Variants in DPYSL2 observed in about 807,000 individuals in gnomAD.
The protein encoded by DPYSL2 is dihydropyrimidinase-related protein 2.
A neutral mutation model predicts 69.9 loss-of-function variants in DPYSL2; 13 were observed. That is an observed-to-expected ratio of 0.19 (90% confidence interval 0.12 to 0.30). The LOEUF is 0.30. Among genes scored for constraint, DPYSL2 ranks in the 10% least tolerant of loss-of-function variants. The pLI is 1.00. For synonymous variants in DPYSL2, 326 were observed against 359.1 expected (o/e 0.91, Z 1.04); for missense variants, 587 against 918.9 (o/e 0.64, Z 4.67).
At position 26,564,214 on chromosome 8, in the gene DPYSL2, C is replaced by G. The variant is rs1312565441; in HGVS notation, c.355-17755C>G. 6.6e-6 allele frequency among the ~76,000 whole-genome samples: 1 copy of G among 152,190 alleles called. No individual in the cohort carries two copies. Among genetic ancestry groups the G allele is most frequent in the Non-Finnish European group, 1.5e-5 (1 of 68,036 alleles). ...TTTGCCCAAGCTTTTCTAATGGAGTCAGGCGAAGAGGCCAACTGTAGTGGG... is the reference window on the plus strand; with the variant it reads ...TTTGCCCAAGCTTTTCTAATGGAGTGAGGCGAAGAGGCCAACTGTAGTGGG... On this transcript the variant is annotated intron_variant, in intron 1 of 13. Transcript: ENST00000521913. The surrounding 1 kb of genome is among the most constrained non-coding windows in gnomAD (Gnocchi z 4.8).
At chr8:26,546,142 T>C (rs1800763823) in intron 1 of DPYSL2, among the ~76,000 whole-genome samples, 1 of 152,262 alleles carries the variant, frequency 6.6e-6, no homozygotes, top group African/African-American at 2.4e-5. Context: ...TTTCTTCATT[T>C]ATTTAGCTCT....
intron 1 of DPYSL2, among the ~76,000 whole-genome samples, chr8:26,559,313 A>G (rs1474458660): frequency 6.6e-6 from 1 of 152,222 alleles, no homozygotes; most frequent in Non-Finnish European, 1.5e-5. Context: ...TCCTTACAAT[A>G]AATTTATAGA....
chr8:26,647,898 G>A lies in DPYSL2; in HGVS notation c.1596+98G>A. The A allele has an allele frequency of 1.4e-6, 2 of 1,415,262 alleles. No individual in the cohort carries two copies. The highest frequency in any genetic ancestry group is 1.5e-5 in the African/African-American group (1 of 68,764). 87.7% of individuals were successfully genotyped at this position (1,415,262 alleles called of 1,614,324 possible). On this transcript the variant is annotated intron_variant, in intron 11 of 13. Coordinates refer to ENST00000521913, the MANE Select transcript of DPYSL2 (RefSeq NM_001197293.3). The surrounding 1 kb of genome is among the most constrained non-coding windows in gnomAD (Gnocchi z 5.1). ...CCAGGGTTTCTAAAAAGAACTTGCTGTGATGGGAATGCGCTCGACTGAGGA... is the reference window on the plus strand; with the variant it reads ...CCAGGGTTTCTAAAAAGAACTTGCTATGATGGGAATGCGCTCGACTGAGGA...
Position 26,618,570 on chromosome 8 carries a change from C to T in DPYSL2, c.629-5573C>T, listed in dbSNP as rs147193209. On this transcript the variant is annotated intron_variant, in intron 3 of 13. Transcript: ENST00000521913. ...CTGGCCTGAAGCAATCTGCCCACCT[C>T]AGCCTCCCAAAGTGCTGAGATTACA... 4.0e-3 allele frequency among the ~76,000 whole-genome samples: 587 copies of T among 148,124 alleles called. 5 individuals are homozygous for T. Among genetic ancestry groups the T allele is most frequent in the African/African-American group, 0.014 (566 of 40,156 alleles).
intron 7 of DPYSL2, among the ~76,000 whole-genome samples, chr8:26,628,613 C>T (rs1802671247): frequency 6.6e-6 from 1 of 152,188 alleles, no homozygotes; most frequent in Non-Finnish European, 1.5e-5. Context: ...GGCTGGATGT[C>T]AGGCTCTAGG....
At chr8:26,542,301 C>CA (rs1053813942) in intron 1 of DPYSL2, among the ~76,000 whole-genome samples, 7 of 151,778 alleles carry the variant, frequency 4.6e-5, no homozygotes, top group African/African-American at 4.8e-5. Context: ...AACAAAACAA[C>CA]AAAAAACCCA....
chr8:26,524,835 A>AAGAGAG (rs1554531504), intron 1 of DPYSL2, among the ~76,000 whole-genome samples: 15,518 of 73,786 alleles, frequency 0.21, 3,045 homozygotes, highest in Non-Finnish European at 0.29. Flanking sequence ...AAAAAAAAAA[A>AAGAGAG]AGAGAGAGAA....
chr8:26,537,642 A>G (rs936648053), intron 1 of DPYSL2, among the ~76,000 whole-genome samples: 2 of 151,366 alleles, frequency 1.3e-5, no homozygotes, highest in African/African-American at 4.9e-5. Flanking sequence ...ACAACTGTAT[A>G]TTTTTTCTCA....
At position 26,620,006 on chromosome 8, in the gene DPYSL2, C is replaced by T. The variant is rs1412090893; in HGVS notation, c.629-4137C>T. 6.6e-6 allele frequency: 1 copy of T among 152,200 alleles called. No homozygotes were observed. Among genetic ancestry groups the T allele is most frequent in the Admixed American group, 6.5e-5 (1 of 15,272 alleles). The allele number at this position is 152,200 out of a possible 1,614,324, so 9.4% of individuals were successfully genotyped here. A position where few individuals can be genotyped will look rare whatever the true frequency, so the allele number is the denominator to read the frequency against. ...AAGTTGTCCTTGTCTGTCACCCTCC[C>T]CACTTTGTCTAAGGGTGAGTGGAAC... On this transcript the variant is annotated intron_variant, in intron 3 of 13. Coordinates refer to ENST00000521913, the MANE Select transcript of DPYSL2 (RefSeq NM_001197293.3). This position sits in a 1 kb window ranked among gnomAD's most constrained non-coding sequence, Gnocchi z 4.5.
chr8:26,631,619 C>T (rs1225589940), intron 7 of DPYSL2, among the ~76,000 whole-genome samples: 3 of 152,170 alleles, frequency 2.0e-5, no homozygotes, highest in Admixed American at 6.5e-5. Flanking sequence ...CTTCAGAATC[C>T]CCAGCAACTG....
intron 7 of DPYSL2, 27 bp from the exon 8 acceptor site, chr8:26,634,753 T>G (rs754133643): frequency 6.2e-7 from 1 of 1,613,860 alleles, no homozygotes; most frequent in South Asian, 1.1e-5. Flanking sequence ...CTGAGCCACA[T>G]TCTCATGCTC....
chr8:26,600,226 G>A (rs1335037085), intron 3 of DPYSL2, among the ~76,000 whole-genome samples: 4 of 152,208 alleles, frequency 2.6e-5, no homozygotes, highest in Non-Finnish European at 5.9e-5. Flanking sequence ...ACATTTGTGG[G>A]CAAGCATTTG....
intron 1 of DPYSL2, among the ~76,000 whole-genome samples, chr8:26,561,391 C>G (rs1283418437): frequency 6.6e-6 from 1 of 152,166 alleles, no homozygotes; most frequent in African/African-American, 2.4e-5. Flanking sequence ...TAATTACCAT[C>G]CATGAGTGGA....
At chr8:26,540,415 A>T (rs1449013351) in intron 1 of DPYSL2, among the ~76,000 whole-genome samples, 4 of 152,214 alleles carry the variant, frequency 2.6e-5, no homozygotes, top group South Asian at 2.1e-4. Context: ...TTCTAGAAGG[A>T]GAAGAGAGAA....
At chr8:26,632,324 G>C (rs1802796666) in intron 7 of DPYSL2, among the ~76,000 whole-genome samples, 2 of 152,202 alleles carry the variant, frequency 1.3e-5, no homozygotes, top group Admixed American at 6.5e-5. Flanking sequence ...GACAAGGCGA[G>C]GAGAAAGAGG....
rs1585525661 is a variant in DPYSL2 at position 26,585,287 on chromosome 8, A to G, written c.628+1304A>G. On this transcript the variant is annotated intron_variant, in intron 3 of 13. Coordinates refer to ENST00000521913, the MANE Select transcript of DPYSL2 (RefSeq NM_001197293.3). The surrounding 1 kb of genome is among the most constrained non-coding windows in gnomAD (Gnocchi z 4.0). ...CTTTTTGCTTGTGGCTTTGGGGTCT[A>G]TCTGGAAGCTTCTTTTCTATCTTGC... Among the ~76,000 whole-genome samples, 1 of 151,976 alleles carries G rather than the reference A, an allele frequency of 6.6e-6. No homozygotes were observed. The highest frequency in any genetic ancestry group is 2.4e-5 in the African/African-American group (1 of 41,356).
intron 1 of DPYSL2, among the ~76,000 whole-genome samples, chr8:26,544,060 A>AGGGTT (rs145467875): frequency 0.52 from 79,438 of 151,788 alleles, 21,624 homozygotes; most frequent in African/African-American, 0.67. Flanking sequence ...TTCACAAACA[A>AGGGTT]AAGAACAGTC....
At chr8:26,529,098 C>T (rs1800440142) in intron 1 of DPYSL2, among the ~76,000 whole-genome samples, 1 of 152,210 alleles carries the variant, frequency 6.6e-6, no homozygotes, top group East Asian at 1.9e-4. Flanking sequence ...GCAGTCTCTC[C>T]AGGATCGGCA....
intron 3 of DPYSL2, among the ~76,000 whole-genome samples, chr8:26,589,448 ATGAG>A (rs551381351): frequency 1.3e-4 from 20 of 152,234 alleles, no homozygotes; most frequent in Non-Finnish European, 2.8e-4. Flanking sequence ...GGGTGAATGA[ATGAG>A]TGAGTGAATG....
Sources: allele counts gnomAD v4.1 joint callset (sites outside exome capture counted in the v4.1 genomes callset), GRCh38; gene constraint gnomAD v4.1.1; non-coding constraint Gnocchi (gnomAD v3.1); transcripts MANE v1.5; gene names NCBI Gene and HGNC (gene_info 2026-07-23, HGNC 2026-07-21).